Variants in FSHR observed in about 807,000 individuals in gnomAD.
The protein encoded by FSHR is follicle stimulating hormone receptor.
A neutral mutation model predicts 52.1 loss-of-function variants in FSHR; 46 were observed. That is an observed-to-expected ratio of 0.88 (90% CI 0.70 to 1.13). The LOEUF is 1.13. FSHR is among the 50% of genes most tolerant of loss of function. FSHR has a pLI of 0.00. For missense variants in FSHR, 964 were observed against 834.6 expected (o/e 1.16, Z -1.91); for synonymous variants, 399 against 309.6 (o/e 1.29, Z -3.03).
At chr2:48,976,870 T>C (rs1675013884) in intron 8 of FSHR, among the ~76,000 whole-genome samples, 1 of 152,206 alleles carries the variant, frequency 6.6e-6, no homozygotes, top group Non-Finnish European at 1.5e-5. Context: ...GATTCTTCTC[T>C]CTTTTATTCT....
rs141029775 is a variant in FSHR, at chr2:49,138,537, A to C, written c.152+15729T>G. On this transcript the variant is annotated intron_variant, in intron 1 of 9. Coordinates refer to ENST00000406846, the MANE Select transcript of FSHR (RefSeq NM_000145.4). ...TTTTCGACCCTTAAAATAATAGAGT[A>C]CTGATACATTATAATTTGAATTAAC... 4.6e-5 allele frequency among the ~76,000 whole-genome samples: 7 copies of C among 152,328 alleles called. No individual in the cohort carries two copies. In the East Asian group the frequency reaches 1.4e-3, roughly 29 times the overall value.
At chr2:49,073,211 C>A (rs1669812961) in intron 1 of FSHR, among the ~76,000 whole-genome samples, 2 of 151,876 alleles carry the variant, frequency 1.3e-5, no homozygotes, top group Non-Finnish European at 2.9e-5. Flanking sequence ...CTAGCCAGAG[C>A]AATTAGGCAA....
rs773293376 is a variant in FSHR at position 48,963,589 on chromosome 2, A to T, written c.1232T>A (p.Ile411Asn). Residue 411 changes from isoleucine to asparagine, a missense_variant, in exon 10 of 10, where the codon ATT (isoleucine) becomes AAT (asparagine). Transcript: ENST00000406846. ...TGCAATGAGCAGCAGGTAGATTCCAATGCAGAGATCAGCAAAGGCCAGGTT... is the reference window on the plus strand; with the variant it reads ...TGCAATGAGCAGCAGGTAGATTCCATTGCAGAGATCAGCAAAGGCCAGGTT... ...MCNLAFADLC[I>N]GIYLLLIASV... The T allele has an allele frequency of 6.2e-7, 1 of 1,614,214 alleles. No individual in the cohort carries two copies. The highest frequency in any genetic ancestry group is 8.5e-7 in the Non-Finnish European group (1 of 1,180,026).
intron 1 of FSHR, among the ~76,000 whole-genome samples, chr2:49,101,272 T>C (rs1293263312): frequency 4.6e-5 from 7 of 152,082 alleles, no homozygotes; most frequent in African/African-American, 1.7e-4. Flanking sequence ...TCCTGCCCAG[T>C]TGTGAGAGAC....
At position 49,087,070 on chromosome 2, in the gene FSHR, G is replaced by GTT. The variant is rs56890721; in HGVS notation, c.153-18782_153-18781dup. On this transcript the variant is annotated intron_variant, in intron 1 of 9. Coordinates refer to ENST00000406846, the MANE Select transcript of FSHR (RefSeq NM_000145.4). ...GTAGTTGAGGGACCCTGTGGGCAGGGTTTTTTTTTTTTTTTTTTTTTTTTT... is the reference window on the plus strand; with the variant it reads ...GTAGTTGAGGGACCCTGTGGGCAGGGTTTTTTTTTTTTTTTTTTTTTTTTTTT... 9.9e-3 allele frequency among the ~76,000 whole-genome samples: 855 copies of GTT among 86,686 alleles called. 58 individuals carry two copies. Among genetic ancestry groups the GTT allele is most frequent in the East Asian group, 0.033 (77 of 2,314 alleles). The allele number at this position is 86,686 out of a possible 152,430, so 56.9% of individuals were successfully genotyped here.
intron 4 of FSHR, chr2:48,997,383 G>A (rs1284208539): frequency 2.0e-6 from 2 of 985,070 alleles, no homozygotes; most frequent in Non-Finnish European, 2.4e-6. Flanking sequence ...AGGAGCTCAA[G>A]GGTAACATTT....
intron 1 of FSHR, among the ~76,000 whole-genome samples, chr2:49,133,606 G>T (rs1316734270): frequency 2.0e-5 from 3 of 152,118 alleles, no homozygotes; most frequent in Non-Finnish European, 4.4e-5. Flanking sequence ...AGCCCTCATT[G>T]CCAAAACAAT....
At chr2:49,147,891 T>C (rs1672924893) in intron 1 of FSHR, among the ~76,000 whole-genome samples, 1 of 151,984 alleles carries the variant, frequency 6.6e-6, no homozygotes, top group Non-Finnish European at 1.5e-5. Flanking sequence ...CTGTGCTGTT[T>C]GTTTCTGTCA....
At chr2:49,084,873 A>G (rs1414533074) in intron 1 of FSHR, among the ~76,000 whole-genome samples, 5 of 152,154 alleles carry the variant, frequency 3.3e-5, no homozygotes, top group Non-Finnish European at 7.4e-5. Flanking sequence ...AACCAAAAAG[A>G]GTCCAGGACC....
intron 2 of FSHR, among the ~76,000 whole-genome samples, chr2:49,031,340 TAGAA>T (rs1426523663): frequency 6.6e-6 from 1 of 152,196 alleles, no homozygotes; most frequent in Non-Finnish European, 1.5e-5. Context: ...GGGATCCTGT[TAGAA>T]AGACACCTTT....
intron 8 of FSHR, among the ~76,000 whole-genome samples, chr2:48,979,029 C>G (rs953362979): frequency 2.0e-5 from 3 of 152,074 alleles, no homozygotes; most frequent in African/African-American, 7.2e-5. Flanking sequence ...TCCCAATTCC[C>G]AATATTGGTC....
At chr2:48,986,393 C>CTT (rs34394877) in intron 6 of FSHR, among the ~76,000 whole-genome samples, 75,631 of 123,846 alleles carry the variant, frequency 0.61, 24,681 homozygotes, top group Non-Finnish European at 0.71. Context: ...ATTTGCCATG[C>CTT]TTTTTTTTTT....
chr2:49,117,274 T>C (rs1358245348), intron 1 of FSHR, among the ~76,000 whole-genome samples: 1 of 152,212 alleles, frequency 6.6e-6, no homozygotes, highest in Non-Finnish European at 1.5e-5. Context: ...ATCCTTGCCC[T>C]GACTGCCACA....
intron 2 of FSHR, among the ~76,000 whole-genome samples, chr2:49,021,850 T>TCC: frequency 2.9e-5 from 1 of 34,056 alleles, no homozygotes; most frequent in Admixed American, 4.3e-4. Flanking sequence ...TCTCTCTCTC[T>TCC]CTCTCTCTCT....
At position 48,984,182 on chromosome 2, in the gene FSHR, A is replaced by G. The variant is rs558707906; in HGVS notation, c.525-1016T>C. Among the ~76,000 whole-genome samples the G allele has an allele frequency of 7.9e-4, 120 of 152,324 alleles. No individual in the cohort carries two copies. In the Middle Eastern group the frequency reaches 0.017, roughly 22 times the overall value. ...AAAACACTTAAAATCACAGGAGAAC[A>G]ACTGTATGTCTTTTTCCTCCTCTTG... is the stretch of plus-strand genomic sequence containing the variant. On this transcript the variant is annotated intron_variant, in intron 6 of 9. Transcript: ENST00000406846.
intron 2 of FSHR, among the ~76,000 whole-genome samples, chr2:49,033,461 T>G (rs537266381): frequency 2.6e-5 from 4 of 152,260 alleles, no homozygotes; most frequent in Non-Finnish European, 5.9e-5. Flanking sequence ...AATCACCAAT[T>G]TGAAAGTGAG....
chr2:49,021,867 A>C (rs59321155), intron 2 of FSHR, among the ~76,000 whole-genome samples: 1,253 of 50,468 alleles, frequency 0.025, 16 homozygotes, highest in African/African-American at 0.05. Flanking sequence ...CTCTCTCTAT[A>C]TATATATATA....
intron 2 of FSHR, among the ~76,000 whole-genome samples, chr2:49,023,714 C>G (rs1249976941): frequency 6.6e-6 from 1 of 152,106 alleles, no homozygotes; most frequent in Non-Finnish European, 1.5e-5. Context: ...GAAAATAAAA[C>G]AGGAGAGAGG....
intron 4 of FSHR, among the ~76,000 whole-genome samples, chr2:49,003,230 AG>A (rs1244955452): frequency 2.0e-5 from 3 of 152,180 alleles, no homozygotes; most frequent in African/African-American, 7.2e-5. Flanking sequence ...TAAAAACAGC[AG>A]CTGCTCCCCT....
Sources: allele counts gnomAD v4.1 joint callset (sites outside exome capture counted in the v4.1 genomes callset), GRCh38; gene constraint gnomAD v4.1.1; transcripts MANE v1.5; gene names NCBI Gene and HGNC (gene_info 2026-07-23, HGNC 2026-07-21).